The following ALK variants were observed in gnomAD, a reference collection of about 807,000 sequenced individuals.
ALK encodes ALK receptor tyrosine kinase.
In ALK, 74 loss-of-function variants were observed where a neutral mutation model predicts 163.1. The observed-to-expected ratio is 0.45, with a 90% CI of 0.38 to 0.55. ALK has a LOEUF of 0.55. ALK is among the 20% of genes least tolerant of loss of function. The pLI, the probability that ALK is intolerant of heterozygous loss-of-function variation, is 0.00. For synonymous variants in ALK, 960 were observed against 843.2 expected, an observed-to-expected ratio of 1.14 and a Z score of -2.40; for missense variants, 2,063 against 2,105.3, an observed-to-expected ratio of 0.98 and a Z score of 0.39.
At chr2:29,546,696 T>A (rs1419908380) in intron 3 of ALK, among the ~76,000 whole-genome samples, 1 of 152,238 alleles carries the variant, frequency 6.6e-6, no homozygotes, top group African/African-American at 2.4e-5. Flanking sequence ...TGTCAAGGGA[T>A]AAACATCTTC....
intron 1 of ALK, among the ~76,000 whole-genome samples, chr2:29,838,893 T>G (rs1172700082): frequency 2.0e-5 from 3 of 150,068 alleles, no homozygotes; most frequent in Non-Finnish European, 4.4e-5. Flanking sequence ...AAAAGATAAG[T>G]GTTTTCATGG....
intron 4 of ALK, among the ~76,000 whole-genome samples, chr2:29,390,649 A>G (rs1340161264): frequency 1.3e-5 from 2 of 152,150 alleles, no homozygotes; most frequent in Non-Finnish European, 2.9e-5. Flanking sequence ...CAACTTTCAA[A>G]TTTTCCTTAA....
At chr2:29,474,949 C>T (rs1284868608) in intron 4 of ALK, among the ~76,000 whole-genome samples, 2 of 152,138 alleles carry the variant, frequency 1.3e-5, no homozygotes, top group Admixed American at 6.5e-5. Flanking sequence ...TGGTCAGGGC[C>T]CAGGCACTGG....
At chr2:29,767,315 A>C (rs1451661528) in intron 1 of ALK, among the ~76,000 whole-genome samples, 1 of 152,242 alleles carries the variant, frequency 6.6e-6, no homozygotes, top group Non-Finnish European at 1.5e-5. Context: ...CAGAGCAGGG[A>C]TAAATGTCAA....
At chr2:29,273,303 T>C (rs891910304) in intron 11 of ALK, among the ~76,000 whole-genome samples, 1 of 152,262 alleles carries the variant, frequency 6.6e-6, no homozygotes, top group Non-Finnish European at 1.5e-5. Context: ...TGAGTCTGCC[T>C]GGACCCATAG....
intron 1 of ALK, among the ~76,000 whole-genome samples, chr2:29,837,940 G>A (rs1184329855): frequency 6.6e-6 from 1 of 152,130 alleles, no homozygotes; most frequent in African/African-American, 2.4e-5. Flanking sequence ...GGTATTGTAA[G>A]TTGTTCATAT....
intron 1 of ALK, among the ~76,000 whole-genome samples, chr2:29,915,443 C>G (rs1426507540): frequency 6.6e-6 from 1 of 152,146 alleles, no homozygotes; most frequent in African/African-American, 2.4e-5. Flanking sequence ...TGATCTCGAA[C>G]TCCTGACCTC....
intron 3 of ALK, among the ~76,000 whole-genome samples, chr2:29,658,105 T>A (rs1326199819): frequency 6.6e-6 from 1 of 152,160 alleles, no homozygotes; most frequent in African/African-American, 2.4e-5. Flanking sequence ...GCTCCTCTCC[T>A]GTCCACTGTC....
intron 3 of ALK, among the ~76,000 whole-genome samples, chr2:29,594,463 C>G (rs1482706112): frequency 2.2e-5 from 3 of 138,822 alleles, no homozygotes; most frequent in South Asian, 4.5e-4. Flanking sequence ...GAGTTTTGCT[C>G]TGTCACCCAG....
At chr2:29,678,927 T>G (rs1414504482) in intron 3 of ALK, among the ~76,000 whole-genome samples, 1 of 151,850 alleles carries the variant, frequency 6.6e-6, no homozygotes, top group Non-Finnish European at 1.5e-5. Context: ...TCAAGGCTTC[T>G]ATATCCTTCT....
At chr2:29,393,141 C>T (rs1320519027) in intron 4 of ALK, among the ~76,000 whole-genome samples, 1 of 152,140 alleles carries the variant, frequency 6.6e-6, no homozygotes, top group African/African-American at 2.4e-5. Context: ...AGTTCCACAC[C>T]CACTGAGAGT....
At chr2:29,912,450 T>C (rs1485872164) in intron 1 of ALK, among the ~76,000 whole-genome samples, 2 of 152,126 alleles carry the variant, frequency 1.3e-5, no homozygotes, top group African/African-American at 4.8e-5. Flanking sequence ...GAACTGTCAA[T>C]GCATAATTCT....
chr2:29,790,749 A>G (rs552005890), intron 1 of ALK, among the ~76,000 whole-genome samples: 3 of 152,186 alleles, frequency 2.0e-5, no homozygotes, highest in African/African-American at 7.2e-5. Context: ...ACACCCGGCT[A>G]ATTTTTGTGT....
intron 5 of ALK, among the ~76,000 whole-genome samples, chr2:29,342,302 G>A (rs1038955066): frequency 2.0e-5 from 3 of 152,148 alleles, no homozygotes; most frequent in African/African-American, 7.2e-5. Flanking sequence ...GCTTCCATAT[G>A]GATGAACCTT....
chr2:29,906,953 T>G (rs868852506), intron 1 of ALK, among the ~76,000 whole-genome samples: 2,665 of 140,486 alleles, frequency 0.019, 102 homozygotes, highest in African/African-American at 0.068. Flanking sequence ...TTTTTTTTTT[T>G]TTTTTTTTTT....
rs1365096158 is a variant in ALK, at chr2:29,920,134, A to G, written c.526T>C (p.Trp176Arg). The change falls in exon 1 of 29, where the codon TGG becomes CGG. Residue 176 changes from tryptophan (W) to arginine (R), a missense_variant. Physicochemically the swap from Trp to Arg is moderately radical, Grantham distance 101. Coordinates refer to ENST00000389048, the MANE Select transcript of ALK (RefSeq NM_004304.5). ...LQFNLSELFS[W>R]WIRQGEGRLR... Reference sequence around the variant, plus strand: ...CGCCCTTCGCCTTGGCGAATCCACCAACTGAACAGCTCGCTGAGATTGAAC... The same window carrying G: ...CGCCCTTCGCCTTGGCGAATCCACCGACTGAACAGCTCGCTGAGATTGAAC... 1.9e-6 allele frequency: 3 copies of G among 1,613,826 alleles called. No homozygotes were observed. Among genetic ancestry groups the G allele is most frequent in the Non-Finnish European group, 2.5e-6 (3 of 1,180,028 alleles).
intron 3 of ALK, among the ~76,000 whole-genome samples, chr2:29,558,485 C>A (rs905689728): frequency 4.6e-5 from 7 of 152,138 alleles, no homozygotes; most frequent in Non-Finnish European, 8.8e-5. Flanking sequence ...ACCCACAAGA[C>A]TGGTCACTGC....
chr2:29,890,685 G>C (rs1339405757), intron 1 of ALK: 1 of 152,222 alleles, frequency 6.6e-6, no homozygotes, highest in African/African-American at 2.4e-5. Flanking sequence ...GCTGCCATCA[G>C]TCCTGCTTCA....
rs559127602 is a variant in ALK, at chr2:29,540,140, A to G, written c.953-8024T>C. 8.1e-4 allele frequency among the ~76,000 whole-genome samples: 124 copies of G among 152,280 alleles called. 1 individual carries two copies. Among genetic ancestry groups the G allele is most frequent in the African/African-American group, 3.0e-3 (123 of 41,576 alleles). On this transcript the variant is annotated intron_variant, in intron 3 of 28. Transcript: ENST00000389048. ...GATCAGACTGCTTTGAGGAATTTAG[A>G]TTGGCTTTATTGAGCTGATAAGAAG...
Sources: gnomAD v4.1 joint callset for allele counts (sites outside exome capture counted in the v4.1 genomes callset) on GRCh38, gnomAD v4.1.1 for gene constraint, MANE v1.5 for transcripts, NCBI Gene and HGNC (gene_info 2026-07-23, HGNC 2026-07-21) for gene names.